Variants in DOCK1 observed in about 807,000 individuals in gnomAD.
DOCK1 encodes dedicator of cytokinesis 1, also known as dedicator of cytokinesis protein 1.
In DOCK1, 138 loss-of-function variants were observed where a neutral mutation model predicts 262.7. The ratio of observed to expected loss-of-function variants is 0.53; its 90% CI spans 0.46 to 0.61. The LOEUF (loss-of-function observed/expected upper bound fraction) is 0.61. Ranked by LOEUF, DOCK1 falls within the 20% of genes least tolerant of loss-of-function variation. DOCK1 has a pLI of 0.00. For synonymous variants in DOCK1, 866 were observed against 867.4 expected (o/e 1.00, Z 0.03); for missense variants, 1,908 against 2,370.7 (o/e 0.80, Z 4.05).
At chr10:127,351,240 C>A (rs1050985506) in intron 31 of DOCK1, among the ~76,000 whole-genome samples, 4 of 152,076 alleles carry the variant, frequency 2.6e-5, no homozygotes, top group African/African-American at 7.2e-5. Flanking sequence ...CCTGCTCACT[C>A]ACACCGTGGG....
At chr10:127,334,432 C>T (rs144362605) in intron 29 of DOCK1, among the ~76,000 whole-genome samples, 72 of 152,250 alleles carry the variant, frequency 4.7e-4, no homozygotes, top group Non-Finnish European at 8.5e-4. Context: ...GGAGTGAACC[C>T]ATCTCCCTTT....
intron 38 of DOCK1, among the ~76,000 whole-genome samples, chr10:127,391,440 CAG>C (rs567180363): frequency 4.6e-5 from 7 of 152,310 alleles, no homozygotes; most frequent in South Asian, 4.1e-4. Flanking sequence ...TGGAGCAAGA[CAG>C]AGTTTTCCGA....
chr10:127,152,712 C>G (rs575625858), intron 27 of DOCK1, among the ~76,000 whole-genome samples: 222 of 152,372 alleles, frequency 1.5e-3, no homozygotes, highest in Non-Finnish European at 2.4e-3. Context: ...CAACTGAAAA[C>G]GTCTCCTTCC....
intron 27 of DOCK1, chr10:127,136,887 A>G (rs777248653): frequency 3.3e-5 from 5 of 152,610 alleles, no homozygotes; most frequent in Non-Finnish European, 7.3e-5. Context: ...TGCACTTACC[A>G]TGGCTAACAG....
rs377395109 is a variant in DOCK1, at chr10:127,419,719, C to T, written c.4746C>T (p.Ile1582=). The change falls in exon 46 of 52, where the codon ATC becomes ATT. Residue 1582 remains isoleucine (I), a synonymous_variant. Coordinates refer to ENST00000623213, the MANE Select transcript of DOCK1 (RefSeq NM_001290223.2). ...AGCACCCTGAGGCCCATGAAAAGAT[C>T]GAGAAGCTCAAGGACCTGATTGCTT... The part of the protein sequence containing the change: ...LQEHPEAHEK[I]EKLKDLIAWQ... 26 of 1,604,036 alleles carry T rather than the reference C, an allele frequency of 1.6e-5. No homozygotes were observed. The African/African-American group carries it at 1.7e-4, about 11-fold the overall frequency.
At chr10:127,434,392 G>C (rs2069518069) in intron 48 of DOCK1, among the ~76,000 whole-genome samples, 1 of 152,088 alleles carries the variant, frequency 6.6e-6, no homozygotes, top group African/African-American at 2.4e-5. Flanking sequence ...GGAATGCAGT[G>C]GTGTGATCAC....
rs772155501 is a variant in DOCK1 at position 127,384,801 on chromosome 10, T to A, written c.3819T>A (p.Asp1273Glu). Reference protein sequence around the residue: ...LHAKLLKWSEDVCVAHLTQRD... With the variant: ...LHAKLLKWSEEVCVAHLTQRD... ...TGCTTCTCCCTTAGTGGTCGGAGGA[T>A]GTGTGTGTGGCCCACCTCACCCAGC... Residue 1273 changes from aspartate (D) to glutamate (E), a missense_variant, in exon 38 of 52, where the codon GAT becomes GAA. Transcript: ENST00000623213. 1.9e-6 allele frequency: 3 copies of A among 1,586,306 alleles called. No homozygotes were observed. The East Asian group carries it at 6.9e-5, about 36-fold the overall frequency.
intron 49 of DOCK1, among the ~76,000 whole-genome samples, chr10:127,439,467 C>T (rs911812279): frequency 2.8e-4 from 43 of 152,312 alleles, no homozygotes; most frequent in African/African-American, 9.4e-4. Flanking sequence ...GGGCCTGGGG[C>T]GAGGCCGCTC....
rs2070594652 is a variant in DOCK1, at chr10:127,446,851, C to T, written c.5414-543C>T. On this transcript the variant is annotated intron_variant, in intron 50 of 51. Coordinates refer to ENST00000623213, the MANE Select transcript of DOCK1 (RefSeq NM_001290223.2). This position sits in a 1 kb window ranked among gnomAD's most constrained non-coding sequence, Gnocchi z 4.4. ...CTTGGCTTATTTAAAGCAACAGCCA[C>T]AGTGACTGCTATGGCTAATGACTTC... Among the ~76,000 whole-genome samples, 1 of 152,216 alleles carries T rather than the reference C, an allele frequency of 6.6e-6. No individual in the cohort carries two copies. Among genetic ancestry groups the T allele is most frequent in the Non-Finnish European group, 1.5e-5 (1 of 68,036 alleles).
chr10:127,447,208 G>C (rs1474935188), intron 50 of DOCK1, among the ~76,000 whole-genome samples, 186 bp from the exon 51 acceptor site: 1 of 152,196 alleles, frequency 6.6e-6, no homozygotes, highest in African/African-American at 2.4e-5. Flanking sequence ...ATTGCCGTTA[G>C]GAGAGGGTCC....
At chr10:126,978,068 G>A (rs1188935794) in intron 3 of DOCK1, 80 bp downstream of exon 3, 2 of 1,388,714 alleles carry the variant, frequency 1.4e-6, no homozygotes, top group Non-Finnish European at 2.0e-6. Context: ...TCTCATTTGT[G>A]TCTGAGGGTT....
At chr10:127,428,632 A>ATGTGGATTGGAGTGCCG (rs1337062616) in intron 47 of DOCK1, among the ~76,000 whole-genome samples, 23 of 76,084 alleles carry the variant, frequency 3.0e-4, no homozygotes, top group African/African-American at 7.1e-4. Context: ...TTGGGGTGTC[A>ATGTGGATTGGAGTGCCG]TGTGGATTGG....
chr10:127,438,221 C>T (rs796116487), intron 48 of DOCK1, among the ~76,000 whole-genome samples: 76 of 152,356 alleles, frequency 5.0e-4, no homozygotes, highest in African/African-American at 1.7e-3. Flanking sequence ...ACATGCCAAT[C>T]TTGTGTTGGA....
At position 127,106,324 on chromosome 10, in the gene DOCK1, T is replaced by C. The variant is rs777183105; in HGVS notation, c.2516+23T>C. On this transcript the variant is annotated intron_variant, in intron 24 of 51. Coordinates refer to ENST00000623213, the MANE Select transcript of DOCK1 (RefSeq NM_001290223.2). Reference sequence around the variant, plus strand: ...CAGGTAAGTATGCAGCCCAGGCGAATGCTTGTCACGTGCCGTGTGTGACCT... The same window carrying C: ...CAGGTAAGTATGCAGCCCAGGCGAACGCTTGTCACGTGCCGTGTGTGACCT... The C allele has an allele frequency of 7.6e-6, 12 of 1,583,182 alleles. No individual in the cohort carries two copies. The South Asian group carries it at 1.2e-4, about 15-fold the overall frequency.
At chr10:127,054,642 TG>T (rs537351804) in intron 22 of DOCK1, among the ~76,000 whole-genome samples, 203 of 152,360 alleles carry the variant, frequency 1.3e-3, no homozygotes, top group African/African-American at 4.5e-3. Flanking sequence ...CCTGCCTTGC[TG>T]TTATATTTTC....
intron 38 of DOCK1, chr10:127,402,695 C>CTT (rs759582549): frequency 1.7e-5 from 9 of 527,928 alleles, no homozygotes; most frequent in African/African-American, 7.6e-5. Flanking sequence ...TCTCTTCACC[C>CTT]TACGGTTCCT....
At chr10:127,034,340 C>T (rs1021973749) in intron 18 of DOCK1, among the ~76,000 whole-genome samples, 1 of 152,084 alleles carries the variant, frequency 6.6e-6, no homozygotes, top group Admixed American at 6.6e-5. Context: ...GGGAACTTCT[C>T]TTTTTAAAAC....
At chr10:127,269,947 C>T (rs992503290) in intron 29 of DOCK1, among the ~76,000 whole-genome samples, 1 of 152,220 alleles carries the variant, frequency 6.6e-6, no homozygotes, top group Non-Finnish European at 1.5e-5. Flanking sequence ...TGACCACGCT[C>T]AGTTTTGGTA....
chr10:126,942,245 G>A (rs1040510136), intron 1 of DOCK1, among the ~76,000 whole-genome samples: 13 of 152,218 alleles, frequency 8.5e-5, no homozygotes, highest in African/African-American at 2.2e-4. Flanking sequence ...GGATGGTCTC[G>A]ATCTCCTGAC....
Sources: gnomAD v4.1 joint callset for allele counts (sites outside exome capture counted in the v4.1 genomes callset) on GRCh38, gnomAD v4.1.1 for gene constraint, Gnocchi (gnomAD v3.1) non-coding constraint, MANE v1.5 for transcripts, NCBI Gene and HGNC (gene_info 2026-07-23, HGNC 2026-07-21) for gene names.